EIF2S1: variants seen among roughly 807,000 people sequenced by gnomAD.
The protein encoded by EIF2S1 is eukaryotic translation initiation factor 2 subunit 1.
Under a neutral mutation model 33.5 loss-of-function variants are expected in EIF2S1, and 5 were observed. The observed-to-expected ratio is 0.15, with a 90% CI of 0.08 to 0.31. The LOEUF (loss-of-function observed/expected upper bound fraction) is 0.31, where lower values mean the gene tolerates loss of function less well. Among genes scored for constraint, EIF2S1 ranks in the 10% least tolerant of loss-of-function variants. EIF2S1 has a pLI of 1.00. For missense variants in EIF2S1, 191 were observed against 384.6 expected (o/e 0.50, Z 4.21); for synonymous variants, 99 against 127.5 (o/e 0.78, Z 1.51).
chr14:67,377,853 A>G (rs1482673034), intron 4 of EIF2S1, among the ~76,000 whole-genome samples: 1 of 152,032 alleles, frequency 6.6e-6, no homozygotes, highest in Non-Finnish European at 1.5e-5. Flanking sequence ...CATGCCTGTA[A>G]TCCCAGCACT....
chr14:67,380,104 AG>A, intron 4 of EIF2S1, among the ~76,000 whole-genome samples: 1 of 152,120 alleles, frequency 6.6e-6, no homozygotes, highest in East Asian at 1.9e-4. Flanking sequence ...TACTTTTTAC[AG>A]TGCTACTCCT....
In EIF2S1 at chr14:67,384,425, A is replaced by G. The variant is rs1267417221; in HGVS notation, c.*985A>G. 1 of 151,968 alleles carries G rather than the reference A, an allele frequency of 6.6e-6. No homozygotes were observed. The highest frequency in any genetic ancestry group is 2.4e-5 in the African/African-American group (1 of 41,348). The allele number at this position is 151,968 out of a possible 1,614,324, so 9.4% of individuals were successfully genotyped here. A position where few individuals can be genotyped will look rare whatever the true frequency, so the allele number is the denominator to read the frequency against. ...GTCTTTAAGAACTAATTCGTACATA[A>G]TAAGTTTCATAGGTAACACATTATT... On this transcript the variant is annotated 3_prime_UTR_variant, in exon 8 of 8. Transcript: ENST00000256383.
Position 67,385,154 on chromosome 14 carries a change from G to A in EIF2S1, c.*1714G>A, listed in dbSNP as rs1420006581. 1 of 152,054 alleles carries A rather than the reference G, an allele frequency of 6.6e-6. No individual in the cohort carries two copies. The highest frequency in any genetic ancestry group is 2.4e-5 in the African/African-American group (1 of 41,378). The allele number at this position is 152,054 out of a possible 1,614,324, so 9.4% of individuals were successfully genotyped here. A position where few individuals can be genotyped will look rare whatever the true frequency, so the allele number is the denominator to read the frequency against. The stretch of plus-strand genomic sequence containing the variant: ...ATCAGTATTTCACTGATACCACGAG[G>A]AAAAGAACAAACAAAACTTAAAAGT... On this transcript the variant is annotated 3_prime_UTR_variant, in exon 8 of 8. Coordinates refer to ENST00000256383, the MANE Select transcript of EIF2S1 (RefSeq NM_004094.5).
At chr14:67,364,616 A>T in intron 1 of EIF2S1, 151 bp from the exon 2 acceptor site, 1 of 712,042 alleles carries the variant, frequency 1.4e-6, no homozygotes, top group Non-Finnish European at 2.2e-6. Context: ...GTTTTCTGGT[A>T]CCACTTAAGA....
intron 6 of EIF2S1, among the ~76,000 whole-genome samples, chr14:67,381,983 C>G (rs1274727733): frequency 6.6e-6 from 1 of 151,972 alleles, no homozygotes; most frequent in Non-Finnish European, 1.5e-5. Context: ...ATACTGAGAG[C>G]ACTTTAAAAA....
rs897540007 is a variant in EIF2S1, at chr14:67,373,983, C to T, written c.242-485C>T. ...AGGGGAAAGATAGGCATTTGACTAC[C>T]TTTCATTTGGATAATTGAAAATTAT... On this transcript the variant is annotated intron_variant, in intron 2 of 7. Coordinates refer to ENST00000256383, the MANE Select transcript of EIF2S1 (RefSeq NM_004094.5). Among the ~76,000 whole-genome samples the T allele has an allele frequency of 5.9e-5, 9 of 151,920 alleles. 1 individual carries two copies. In the East Asian group the frequency reaches 1.5e-3, roughly 26 times the overall value.
intron 1 of EIF2S1, chr14:67,364,022 T>G (rs1410811281): frequency 5.9e-5 from 9 of 152,196 alleles, no homozygotes; most frequent in Non-Finnish European, 1.5e-5. Flanking sequence ...GTAAATATCT[T>G]TAATGCTTGG....
At position 67,386,113 on chromosome 14, in the gene EIF2S1, A is replaced by G. The variant is rs1472635538; in HGVS notation, c.*2673A>G. On this transcript the variant is annotated 3_prime_UTR_variant, in exon 8 of 8. Transcript: ENST00000256383. ...CCAATTTGGAGGCAGGAAGCCATCA[A>G]ACTAAACGTAGTTTAATTCAGATGA... 1 of 152,606 alleles carries G rather than the reference A, an allele frequency of 6.6e-6. No individual in the cohort carries two copies. The highest frequency in any genetic ancestry group is 6.5e-5 in the Admixed American group (1 of 15,282). 9.5% of individuals were successfully genotyped at this position (152,606 alleles called of 1,614,324 possible). A position where few individuals can be genotyped will look rare whatever the true frequency, so the allele number is the denominator to read the frequency against.
intron 3 of EIF2S1, among the ~76,000 whole-genome samples, chr14:67,375,073 G>A (rs1336930174): frequency 6.6e-6 from 1 of 152,138 alleles, no homozygotes; most frequent in African/African-American, 2.4e-5. Context: ...TAGCGTGTTA[G>A]GATTATTTCT....
Position 67,376,447 on chromosome 14 carries a change from C to G in EIF2S1, c.330C>G (p.Ser110Arg). ...DKFTKSKTVY[S>R]ILRHVAEVLE... ...TTTCATTTTATTTCTAGGTTTATAG[C>G]ATTCTTCGTCATGTTGCTGAGGTGT... Residue 110 changes from serine to arginine, a missense_variant, in exon 4 of 8, where the codon AGC becomes AGG. By Grantham distance (110) the Ser-to-Arg change is moderately radical. Coordinates refer to ENST00000256383, the MANE Select transcript of EIF2S1 (RefSeq NM_004094.5). 1 of 1,605,022 alleles carries G rather than the reference C, an allele frequency of 6.2e-7. No homozygotes were observed. The highest frequency in any genetic ancestry group is 8.5e-7 in the Non-Finnish European group (1 of 1,175,222).
intron 5 of EIF2S1, among the ~76,000 whole-genome samples, chr14:67,381,089 T>G (rs2085885573): frequency 6.6e-6 from 1 of 152,228 alleles, no homozygotes; most frequent in South Asian, 2.1e-4. Flanking sequence ...ATGCGGAATT[T>G]TCTCCAACTA....
At chr14:67,364,198 G>A (rs2085759758) in intron 1 of EIF2S1, 2 of 152,126 alleles carry the variant, frequency 1.3e-5, no homozygotes, top group African/African-American at 4.8e-5. Flanking sequence ...ATGCATTTTA[G>A]TTTATTTTGT....
At chr14:67,360,873 C>T (rs1880954445) in intron 1 of EIF2S1, 2 of 152,144 alleles carry the variant, frequency 1.3e-5, no homozygotes, top group Admixed American at 1.3e-4. Flanking sequence ...ACAGCTCTAC[C>T]AAAAATTTCC....
intron 4 of EIF2S1, among the ~76,000 whole-genome samples, chr14:67,377,536 A>G (rs533904917): frequency 5.3e-5 from 8 of 152,196 alleles, no homozygotes; most frequent in Non-Finnish European, 1.2e-4. Flanking sequence ...CACTGTCTCA[A>G]CAAACTTACA....
At chr14:67,369,264 A>G (rs2085802901) in intron 2 of EIF2S1, among the ~76,000 whole-genome samples, 2 of 152,252 alleles carry the variant, frequency 1.3e-5, no homozygotes, top group South Asian at 2.1e-4. Context: ...TAGTATTTTC[A>G]GATTTAAACA....
At chr14:67,360,846 T>C (rs2085732137) in intron 1 of EIF2S1, 1 of 152,188 alleles carries the variant, frequency 6.6e-6, no homozygotes, top group African/African-American at 2.4e-5. Flanking sequence ...GAGAATTCCA[T>C]CTTTTCTTCC....
rs558231222 is a variant in EIF2S1, at chr14:67,386,148, G to C, written c.*2708G>C. On this transcript the variant is annotated 3_prime_UTR_variant, in exon 8 of 8. Transcript: ENST00000256383. ...AGTTTAATTCAGATGAACACCTATC[G>C]ATATTCAAAAGGCAAAACAAAAAAA... 2.6e-5 allele frequency: 4 copies of C among 152,510 alleles called. No homozygotes were observed. Among genetic ancestry groups the C allele is most frequent in the African/African-American group, 9.7e-5 (4 of 41,416 alleles). 9.4% of individuals were successfully genotyped at this position (152,510 alleles called of 1,614,324 possible).
At chr14:67,373,539 G>C (rs953920713) in intron 2 of EIF2S1, among the ~76,000 whole-genome samples, 5 of 152,170 alleles carry the variant, frequency 3.3e-5, no homozygotes, top group Non-Finnish European at 7.4e-5. Context: ...CAGACATGCT[G>C]TCCTCCAGTA....
chr14:67,360,557 T>G, intron 1 of EIF2S1, 101 bp downstream of exon 1: 2 of 210,286 alleles, frequency 9.5e-6, no homozygotes, highest in Admixed American at 5.9e-5. Context: ...ATACCTCCCT[T>G]TCCCGTCCCT....
Sources: gnomAD v4.1 joint callset for allele counts (sites outside exome capture counted in the v4.1 genomes callset) on GRCh38, gnomAD v4.1.1 for gene constraint, MANE v1.5 for transcripts, NCBI Gene and HGNC (gene_info 2026-07-23, HGNC 2026-07-21) for gene names.